The following SIPA1L2 variants were observed in gnomAD, a reference collection of about 807,000 sequenced individuals.
SIPA1L2 encodes the protein signal induced proliferation associated 1 like 2, also known as signal-induced proliferation-associated 1-like protein 2.
A neutral mutation model predicts 163.9 loss-of-function variants in SIPA1L2; 56 were observed. The observed-to-expected ratio is 0.34, with a 90% CI of 0.28 to 0.43. The LOEUF (loss-of-function observed/expected upper bound fraction) is 0.43, where lower values mean the gene tolerates loss of function less well. SIPA1L2 is among the 20% of genes least tolerant of loss of function. The pLI is 1.00. For synonymous variants in SIPA1L2, 877 were observed against 865.7 expected, an observed-to-expected ratio of 1.01 and a Z score of -0.23; for missense variants, 1,974 against 2,193.5, an observed-to-expected ratio of 0.90 and a Z score of 2.00.
intron 2 of SIPA1L2, among the ~76,000 whole-genome samples, chr1:232,539,201 T>A (rs1657491952): frequency 6.6e-6 from 1 of 152,346 alleles, no homozygotes; most frequent in East Asian, 1.9e-4. Flanking sequence ...CTGTCTAACC[T>A]GATGCCAGTT....
At chr1:232,609,276 C>T (rs1276940308) in intron 1 of SIPA1L2, among the ~76,000 whole-genome samples, 3 of 152,140 alleles carry the variant, frequency 2.0e-5, no homozygotes, top group African/African-American at 4.8e-5. Flanking sequence ...ATAAAATAAA[C>T]GGTTGGACCT....
At position 232,471,335 on chromosome 1, in the gene SIPA1L2, C is replaced by G; in HGVS notation, c.2243+36G>C. 1.9e-6 allele frequency: 3 copies of G among 1,573,680 alleles called. 1 individual carries two copies. The South Asian group carries it at 3.6e-5, about 19-fold the overall frequency. On this transcript the variant is annotated intron_variant, in intron 8 of 22. Coordinates refer to ENST00000674635, the MANE Select transcript of SIPA1L2 (RefSeq NM_020808.5). ...GGAAAAGACGCCCTGTTGAAATAAA[C>G]CTGGGAGAATGATAGATCAGGGATG...
At chr1:232,590,920 C>A (rs1360615672) in intron 1 of SIPA1L2, among the ~76,000 whole-genome samples, 1 of 152,230 alleles carries the variant, frequency 6.6e-6, no homozygotes, top group African/African-American at 2.4e-5. Flanking sequence ...AAGGACTGTG[C>A]TTTGTAAGAG....
chr1:232,404,955 G>C (rs1170707769), intron 19 of SIPA1L2, among the ~76,000 whole-genome samples: 1 of 152,118 alleles, frequency 6.6e-6, no homozygotes, highest in African/African-American at 2.4e-5. Flanking sequence ...CTATGAATTG[G>C]TTAATTCTGG....
chr1:232,578,513 C>A (rs1037663822), intron 1 of SIPA1L2, among the ~76,000 whole-genome samples: 1 of 152,008 alleles, frequency 6.6e-6, no homozygotes, highest in Admixed American at 6.5e-5. Flanking sequence ...CATTTTTTCT[C>A]TAAGGAAGCT....
At chr1:232,408,920 T>G (rs1452698235) in intron 19 of SIPA1L2, among the ~76,000 whole-genome samples, 1 of 152,202 alleles carries the variant, frequency 6.6e-6, no homozygotes, top group Non-Finnish European at 1.5e-5. Context: ...TACTCCATAA[T>G]TAAAGCATAA....
At chr1:232,434,348 T>G (rs572548146) in intron 15 of SIPA1L2, among the ~76,000 whole-genome samples, 23 of 152,256 alleles carry the variant, frequency 1.5e-4, no homozygotes, top group African/African-American at 5.3e-4. Flanking sequence ...ACTGCGGTAT[T>G]AAGTAAAATT....
At chr1:232,518,270 T>C (rs1302798743) in intron 2 of SIPA1L2, among the ~76,000 whole-genome samples, 1 of 152,178 alleles carries the variant, frequency 6.6e-6, no homozygotes, top group African/African-American at 2.4e-5. Context: ...ATTTTTCCTA[T>C]CTAAAATCCA....
chr1:232,504,074 T>C (rs1666607023), intron 3 of SIPA1L2, among the ~76,000 whole-genome samples: 1 of 152,048 alleles, frequency 6.6e-6, no homozygotes, highest in Non-Finnish European at 1.5e-5. Flanking sequence ...TGGTGGTGCA[T>C]GTCTGTAATC....
At chr1:232,490,269 C>T (rs1486219033) in intron 5 of SIPA1L2, among the ~76,000 whole-genome samples, 2 of 152,162 alleles carry the variant, frequency 1.3e-5, no homozygotes, top group African/African-American at 4.8e-5. Flanking sequence ...GAATTCTATC[C>T]AAGTCCAAAG....
intron 1 of SIPA1L2, among the ~76,000 whole-genome samples, chr1:232,620,205 T>G (rs1213974638): frequency 6.6e-6 from 1 of 152,140 alleles, no homozygotes; most frequent in East Asian, 1.9e-4. Context: ...ATTACCATTT[T>G]TCTCCGTAGT....
intron 1 of SIPA1L2, among the ~76,000 whole-genome samples, chr1:232,621,226 C>T (rs544803110): frequency 1.3e-5 from 2 of 152,350 alleles, no homozygotes; most frequent in African/African-American, 2.4e-5. Context: ...AGACAATTCA[C>T]TGGCTGAGAG....
intron 18 of SIPA1L2, among the ~76,000 whole-genome samples, chr1:232,416,468 G>T (rs1572864568): frequency 6.6e-6 from 1 of 152,270 alleles, no homozygotes; most frequent in East Asian, 1.9e-4. Flanking sequence ...AGTACATCCA[G>T]GTCTGACTAT....
At chr1:232,422,067 G>A (rs1215426360) in intron 18 of SIPA1L2, among the ~76,000 whole-genome samples, 1 of 152,078 alleles carries the variant, frequency 6.6e-6, no homozygotes, top group Non-Finnish European at 1.5e-5. Flanking sequence ...AGTGTCACTG[G>A]TTATGTGGCC....
chr1:232,405,179 C>A (rs1307660904), intron 19 of SIPA1L2, among the ~76,000 whole-genome samples: 1 of 152,254 alleles, frequency 6.6e-6, no homozygotes, highest in Non-Finnish European at 1.5e-5. Flanking sequence ...GGCCATGGTG[C>A]TGAAAGCACC....
intron 2 of SIPA1L2, among the ~76,000 whole-genome samples, chr1:232,567,317 G>C (rs1659463595): frequency 6.6e-6 from 1 of 152,196 alleles, no homozygotes; most frequent in African/African-American, 2.4e-5. Context: ...GAAATGGCCT[G>C]AAAATACACT....
Position 232,404,439 on chromosome 1 carries a change from A to G in SIPA1L2, c.4763-261T>C, listed in dbSNP as rs568796439. ...CACATGGATCCAACCATGAGCATAC[A>G]CAACTGTGGGCTTACTTAAATGACT... is the stretch of plus-strand genomic sequence containing the variant. On this transcript the variant is annotated intron_variant, in intron 19 of 22. Coordinates refer to ENST00000674635, the MANE Select transcript of SIPA1L2 (RefSeq NM_020808.5). Among the ~76,000 whole-genome samples the G allele has an allele frequency of 1.8e-3, 270 of 152,308 alleles. 1 individual carries two copies. Among genetic ancestry groups the G allele is most frequent in the African/African-American group, 6.3e-3 (261 of 41,560 alleles).
chr1:232,407,227 A>G (rs1660693003), intron 19 of SIPA1L2, among the ~76,000 whole-genome samples: 1 of 152,214 alleles, frequency 6.6e-6, no homozygotes, highest in South Asian at 2.1e-4. Flanking sequence ...ACTATTCCAA[A>G]TTTGACTTTG....
upstream of SIPA1L2, among the ~76,000 whole-genome samples, chr1:232,630,283 C>T (rs1026531172): frequency 4.6e-5 from 7 of 151,864 alleles, no homozygotes; most frequent in Non-Finnish European, 7.4e-5. Flanking sequence ...GTCCGCCCGG[C>T]TCCGGGCGCA....
Sources: gnomAD v4.1 joint callset for allele counts (sites outside exome capture counted in the v4.1 genomes callset) on GRCh38, gnomAD v4.1.1 for gene constraint, MANE v1.5 for transcripts, NCBI Gene and HGNC (gene_info 2026-07-23, HGNC 2026-07-21) for gene names.